Variants in ADAMTS19 observed in about 807,000 individuals in gnomAD.
The protein encoded by ADAMTS19 is A disintegrin and metalloproteinase with thrombospondin motifs 19.
In ADAMTS19, 93 loss-of-function variants were observed where a neutral mutation model predicts 153.3. The observed-to-expected ratio is 0.61, with a 90% CI of 0.51 to 0.72. The LOEUF is 0.72. Among genes scored for constraint, ADAMTS19 ranks in the 30% least tolerant of loss-of-function variants. ADAMTS19 has a pLI of 0.00. For missense variants in ADAMTS19, 1,482 were observed against 1,552.1 expected (o/e 0.95, Z 0.76); for synonymous variants, 600 against 556.6 (o/e 1.08, Z -1.10).
At chr5:129,603,270 A>T (rs1750748153) in intron 8 of ADAMTS19, among the ~76,000 whole-genome samples, 1 of 152,176 alleles carries the variant, frequency 6.6e-6, no homozygotes, top group Non-Finnish European at 1.5e-5. Context: ...AGTTGCCAGA[A>T]AGCCATTATT....
At chr5:129,641,997 C>T in intron 11 of ADAMTS19, 37 bp downstream of exon 11, 1 of 1,295,060 alleles carries the variant, frequency 7.7e-7, no homozygotes, top group South Asian at 1.4e-5. Flanking sequence ...AATGAGCATA[C>T]TAGATGAAAC....
At chr5:129,488,162 A>T (rs1580999189) in intron 2 of ADAMTS19, among the ~76,000 whole-genome samples, 1 of 152,182 alleles carries the variant, frequency 6.6e-6, no homozygotes, top group Non-Finnish European at 1.5e-5. Flanking sequence ...AATTATTCAG[A>T]GATAAAGTAC....
chr5:129,576,141 G>T (rs1754092047), intron 7 of ADAMTS19, among the ~76,000 whole-genome samples: 1 of 151,792 alleles, frequency 6.6e-6, no homozygotes, highest in Non-Finnish European at 1.5e-5. Flanking sequence ...ACCCTATTTT[G>T]GAATGTGTTC....
chr5:129,634,550 T>G (rs766420110), intron 10 of ADAMTS19, among the ~76,000 whole-genome samples: 2 of 151,940 alleles, frequency 1.3e-5, no homozygotes, highest in Non-Finnish European at 2.9e-5. Context: ...GCTACAGTAC[T>G]AAAAACAACA....
At chr5:129,628,259 C>T (rs930284835) in intron 10 of ADAMTS19, among the ~76,000 whole-genome samples, 49 of 151,934 alleles carry the variant, frequency 3.2e-4, no homozygotes, top group African/African-American at 1.1e-3. Flanking sequence ...AATAAGAACT[C>T]ATGAACACAA....
chr5:129,694,283 G>C (rs1015181720), intron 18 of ADAMTS19, among the ~76,000 whole-genome samples: 1 of 152,066 alleles, frequency 6.6e-6, no homozygotes, highest in African/African-American at 2.4e-5. Flanking sequence ...TCTAAAATTT[G>C]TTTAAAATAT....
intron 3 of ADAMTS19, among the ~76,000 whole-genome samples, chr5:129,522,316 T>TACACACACACACACAC (rs1186259435): frequency 1.1e-5 from 1 of 91,960 alleles, no homozygotes; most frequent in African/African-American, 4.7e-5. Flanking sequence ...TATATATATA[T>TACACACACACACACAC]ACACACACAC....
chr5:129,495,081 C>T (rs1269396892), intron 2 of ADAMTS19, among the ~76,000 whole-genome samples: 1 of 151,826 alleles, frequency 6.6e-6, no homozygotes, highest in Non-Finnish European at 1.5e-5. Flanking sequence ...AGATCTGTAG[C>T]AAATAATTAT....
intron 2 of ADAMTS19, among the ~76,000 whole-genome samples, chr5:129,492,749 T>C (rs1750809461): frequency 6.6e-6 from 1 of 152,180 alleles, no homozygotes; most frequent in Non-Finnish European, 1.5e-5. Context: ...TATATAACTT[T>C]TCCCATTTTT....
At chr5:129,631,812 T>A (rs1009809361) in intron 10 of ADAMTS19, among the ~76,000 whole-genome samples, 1 of 152,076 alleles carries the variant, frequency 6.6e-6, no homozygotes, top group Non-Finnish European at 1.5e-5. Context: ...TATAACCTTT[T>A]AATTGAGGTA....
chr5:129,509,020 T>TA, intron 2 of ADAMTS19, 57 bp from the exon 3 acceptor site: 1 of 1,401,508 alleles, frequency 7.1e-7, no homozygotes, highest in South Asian at 1.4e-5. Flanking sequence ...TGGAAGAATC[T>TA]AAAAGTATTT....
At chr5:129,540,220 A>G (rs1752610255) in intron 6 of ADAMTS19, among the ~76,000 whole-genome samples, 1 of 152,080 alleles carries the variant, frequency 6.6e-6, no homozygotes, top group African/African-American at 2.4e-5. Flanking sequence ...CATTAATAGG[A>G]AGAAATTTTA....
chr5:129,546,378 A>C (rs1752860326), intron 6 of ADAMTS19, among the ~76,000 whole-genome samples: 2 of 150,866 alleles, frequency 1.3e-5, no homozygotes, highest in Non-Finnish European at 2.9e-5. Context: ...CTAAAACTTA[A>C]AGTATAATAA....
At chr5:129,666,759 C>A (rs1010500713) in intron 16 of ADAMTS19, among the ~76,000 whole-genome samples, 2 of 152,128 alleles carry the variant, frequency 1.3e-5, no homozygotes, top group African/African-American at 2.4e-5. Flanking sequence ...GATTAAAAGT[C>A]CTGATACCCA....
intron 21 of ADAMTS19, among the ~76,000 whole-genome samples, chr5:129,717,437 C>G (rs1038555789): frequency 6.6e-6 from 1 of 152,090 alleles, no homozygotes; most frequent in Non-Finnish European, 1.5e-5. Context: ...TGATATTTTC[C>G]ATGAAAGTTA....
chr5:129,592,843 CTG>C (rs913055521), intron 7 of ADAMTS19, among the ~76,000 whole-genome samples: 44 of 152,042 alleles, frequency 2.9e-4, no homozygotes, highest in African/African-American at 9.9e-4. Context: ...CATGATAAAA[CTG>C]TATCTTTTTG....
chr5:129,662,457 T>C (rs1374075736), intron 15 of ADAMTS19, among the ~76,000 whole-genome samples: 16 of 152,230 alleles, frequency 1.1e-4, no homozygotes, highest in Admixed American at 1.0e-3. Flanking sequence ...TCTACCTCTC[T>C]TCTTGAAAAT....
intron 6 of ADAMTS19, among the ~76,000 whole-genome samples, chr5:129,542,453 T>C (rs939711309): frequency 6.6e-6 from 1 of 152,152 alleles, no homozygotes; most frequent in Non-Finnish European, 1.5e-5. Context: ...AAGGAACCAT[T>C]TGGCTTCACA....
intron 8 of ADAMTS19, among the ~76,000 whole-genome samples, chr5:129,612,574 C>A (rs1370165884): frequency 1.3e-5 from 2 of 152,106 alleles, no homozygotes; most frequent in Non-Finnish European, 2.9e-5. Context: ...GTACCAGCCA[C>A]TGCAAAAACA....
Sources: allele counts gnomAD v4.1 joint callset (sites outside exome capture counted in the v4.1 genomes callset), GRCh38; gene constraint gnomAD v4.1.1; transcripts MANE v1.5; gene names NCBI Gene and HGNC (gene_info 2026-07-23, HGNC 2026-07-21).